KIF21B: variants seen among roughly 807,000 people sequenced by gnomAD.
KIF21B encodes kinesin family member 21B.
A neutral mutation model predicts 192.9 loss-of-function variants in KIF21B; 85 were observed. The observed-to-expected ratio is 0.44, with a 90% confidence interval of 0.37 to 0.53. The LOEUF is 0.53. KIF21B is among the 20% of genes least tolerant of loss of function. KIF21B has a pLI of 0.00. For synonymous variants in KIF21B, 832 were observed against 884.6 expected, an observed-to-expected ratio of 0.94 and a Z score of 1.05; for missense variants, 1,716 against 2,194.8, an observed-to-expected ratio of 0.78 and a Z score of 4.36.
Position 200,975,651 on chromosome 1 carries a change from A to C in KIF21B, c.4462T>G (p.Cys1488Gly), listed in dbSNP as rs139422310. The C allele has an allele frequency of 1.2e-6, 2 of 1,610,464 alleles. No homozygotes were observed. Among genetic ancestry groups the C allele is most frequent in the African/African-American group, 2.7e-5 (2 of 74,718 alleles). The change falls in exon 33 of 35, where the codon TGT becomes GGT. Residue 1488 changes from cysteine (C) to glycine (G), a missense_variant. Coordinates refer to ENST00000461742, the MANE Select transcript of KIF21B (RefSeq NM_001252102.2). This position sits in a 1 kb window ranked among gnomAD's most constrained non-coding sequence, Gnocchi z 4.3. Reference protein sequence around the residue: ...HYVKMFELGECVTGTIGPTHN... With the variant: ...HYVKMFELGEGVTGTIGPTHN... ...GTGGGGCCGATGGTGCCCGTCACAC[A>C]CTCGCCCAGCTCGAACATCTGTGGG...
chr1:200,986,876 T>C lies in KIF21B; in HGVS notation c.3657A>G (p.Arg1219=). The C allele has an allele frequency of 1.2e-6, 2 of 1,613,756 alleles. No homozygotes were observed. Among genetic ancestry groups the C allele is most frequent in the Non-Finnish European group, 1.7e-6 (2 of 1,179,840 alleles). Residue 1219 remains arginine, a synonymous_variant, in exon 26 of 35, where the codon AGA becomes AGG. Transcript: ENST00000461742. ...SRATETSPLT[R]RKSYDRGQPI... is the part of the protein sequence containing the mutation. ...GCTGCCCTCGGTCGTAGGACTTCCTTCTCGTCAGCGGGGACGTCTCTGTGG... is the reference window on the plus strand; with the variant it reads ...GCTGCCCTCGGTCGTAGGACTTCCTCCTCGTCAGCGGGGACGTCTCTGTGG...
chr1:201,001,125 A>C (rs1409259718), intron 9 of KIF21B, among the ~76,000 whole-genome samples: 3 of 151,980 alleles, frequency 2.0e-5, no homozygotes, highest in African/African-American at 7.3e-5. Flanking sequence ...AAAAAAAAAA[A>C]AAGATAAATA....
intron 15 of KIF21B, among the ~76,000 whole-genome samples, chr1:200,992,791 G>A (rs1335728440): frequency 1.3e-5 from 2 of 152,248 alleles, no homozygotes; most frequent in African/African-American, 4.8e-5. Flanking sequence ...GCTGCAGACA[G>A]GGCTGAGGTG....
intron 1 of KIF21B, 57 bp from the exon 2 acceptor site, chr1:201,009,545 G>C: frequency 4.0e-6 from 6 of 1,493,532 alleles, no homozygotes; most frequent in Non-Finnish European, 4.6e-6. Context: ...GCTGCCACAG[G>C]CCCCTCCCTC....
At chr1:201,021,259 C>T (rs1254189332) in intron 1 of KIF21B, among the ~76,000 whole-genome samples, 8 of 152,238 alleles carry the variant, frequency 5.3e-5, no homozygotes, top group Non-Finnish European at 1.2e-4. Flanking sequence ...TGGGTTCTGT[C>T]CAGGCATTGT....
At chr1:201,011,119 C>T (rs750536317) in intron 1 of KIF21B, among the ~76,000 whole-genome samples, 38 of 152,256 alleles carry the variant, frequency 2.5e-4, no homozygotes, top group Admixed American at 3.9e-4. Flanking sequence ...GCTTCTTCGT[C>T]TCCCAACTGA....
At chr1:201,005,169 A>T (rs1041278572) in intron 5 of KIF21B, 139 bp downstream of exon 5, 12 of 1,287,346 alleles carry the variant, frequency 9.3e-6, no homozygotes, top group Non-Finnish European at 1.3e-5. Flanking sequence ...ACAAGGCTCA[A>T]GAAAAATATA....
chr1:200,979,322 A>G (rs1252186641), intron 30 of KIF21B, among the ~76,000 whole-genome samples: 1 of 152,178 alleles, frequency 6.6e-6, no homozygotes. Context: ...CAGGCCAAAA[A>G]TTCCTCTAGT....
Position 201,003,771 on chromosome 1 carries a change from T to G in KIF21B, c.1027A>C (p.Met343Leu). Reference sequence around the variant, plus strand: ...TCTGAGGGGCTCACACAGGCGATCATGATGGTCTGGCTGGGGGTGCAGAAA... The same window carrying G: ...TCTGAGGGGCTCACACAGGCGATCAGGATGGTCTGGCTGGGGGTGCAGAAA... ...DSLGGNSQTI[M>L]IACVSPSDRD... Residue 343 changes from methionine (M) to leucine (L), a missense_variant, in exon 8 of 35, where the codon ATG (methionine) becomes CTG (leucine). Coordinates refer to ENST00000461742, the MANE Select transcript of KIF21B (RefSeq NM_001252102.2). 6.2e-7 allele frequency: 1 copy of G among 1,614,158 alleles called. No individual in the cohort carries two copies. The highest frequency in any genetic ancestry group is 8.5e-7 in the Non-Finnish European group (1 of 1,180,014).
chr1:201,000,700 G>A lies in KIF21B; in HGVS notation c.1466+17C>T, dbSNP rs373136135. Reference sequence around the variant, plus strand: ...GGCCCCCAGCCCGCGCACACCTGCCGGAGCTCACTCACTCACCGTAGCTCC... The same window carrying A: ...GGCCCCCAGCCCGCGCACACCTGCCAGAGCTCACTCACTCACCGTAGCTCC... On this transcript the variant is annotated intron_variant, in intron 10 of 34. Coordinates refer to ENST00000461742, the MANE Select transcript of KIF21B (RefSeq NM_001252102.2). This position sits in a 1 kb window ranked among gnomAD's most constrained non-coding sequence, Gnocchi z 6.0. The A allele has an allele frequency of 4.3e-6, 7 of 1,614,096 alleles. No homozygotes were observed. Among genetic ancestry groups the A allele is most frequent in the Admixed American group, 1.7e-5 (1 of 60,024 alleles).
At position 200,972,749 on chromosome 1, in the gene KIF21B, G is replaced by A. The variant is rs1177675422; in HGVS notation, c.*772C>T. ...GCAAACAGAGGAGGCGGCCCTGGAG[G>A]GCCGGGGCAGCGGACTCCCTTTGGG... On this transcript the variant is annotated 3_prime_UTR_variant, in exon 35 of 35. Transcript: ENST00000461742. The A allele has an allele frequency of 6.6e-6, 1 of 152,654 alleles. No individual in the cohort carries two copies. Among genetic ancestry groups the A allele is most frequent in the Non-Finnish European group, 1.5e-5 (1 of 68,060 alleles). The allele number at this position is 152,654 out of a possible 1,614,324, so 9.5% of individuals were successfully genotyped here.
chr1:201,007,769 CACAT>C (rs1202987667), intron 3 of KIF21B, among the ~76,000 whole-genome samples: 2 of 151,556 alleles, frequency 1.3e-5, no homozygotes, highest in South Asian at 2.1e-4. Context: ...CACAGATGCA[CACAT>C]ACAAAGATGC....
rs532275304 is a variant in KIF21B, at chr1:200,979,045, G to A, written c.4160+490C>T. ...CTGTAGCTTACAGTGTTAATGTAAG[G>A]ATGTAGCATGACTTCTGCTAAAAAA... On this transcript the variant is annotated intron_variant, in intron 30 of 34. Transcript: ENST00000461742. 3.9e-5 allele frequency among the ~76,000 whole-genome samples: 6 copies of A among 152,230 alleles called. No homozygotes were observed. In the South Asian group the frequency reaches 1.2e-3, roughly 32 times the overall value.
chr1:201,005,599 G>A lies in KIF21B; in HGVS notation c.543C>T (p.Asn181=), dbSNP rs558278910. The change falls in exon 4 of 35, where the codon AAC becomes AAT. Residue 181 remains asparagine, a synonymous_variant. Coordinates refer to ENST00000461742, the MANE Select transcript of KIF21B (RefSeq NM_001252102.2). ...TGACGCCAGTGGTGTAGATGCCACC[G>A]TTTGCGTCCTCGTGGATCTTGATGT... ...RSNIKIHEDA[N]GGIYTTGVTS... 74 of 1,614,218 alleles carry A rather than the reference G, an allele frequency of 4.6e-5. No individual in the cohort carries two copies. The highest frequency in any genetic ancestry group is 1.8e-4 in the South Asian group (16 of 91,080).
chr1:200,986,999 G>A lies in KIF21B; in HGVS notation c.3611C>T (p.Thr1204Ile). 6.2e-7 allele frequency: 1 copy of A among 1,614,016 alleles called. No homozygotes were observed. Among genetic ancestry groups the A allele is most frequent in the South Asian group, 1.1e-5 (1 of 91,074 alleles). ...ACATTCCTGCTCCCATCCTTACAAA[G>A]TGCTGCCCCGGGTAGGCAGACTGAC... ...RTVSLPTRGS[T>I]FPRQSRATET... is the part of the protein sequence containing the mutation. The change falls in exon 25 of 35, where the codon ACT (threonine) becomes ATT (isoleucine). Residue 1204 changes from threonine to isoleucine, a missense_variant. Coordinates refer to ENST00000461742, the MANE Select transcript of KIF21B (RefSeq NM_001252102.2).
At chr1:201,011,558 GGA>G (rs1658238373) in intron 1 of KIF21B, among the ~76,000 whole-genome samples, 1 of 152,226 alleles carries the variant, frequency 6.6e-6, no homozygotes, top group Admixed American at 6.5e-5. Context: ...ATATATGCAG[GGA>G]GAGAGAGCAA....
rs762208896 is a variant in KIF21B, at chr1:200,999,987, C to T, written c.1686-23G>A. 3.1e-6 allele frequency: 5 copies of T among 1,610,918 alleles called. No individual in the cohort carries two copies. The highest frequency in any genetic ancestry group is 2.2e-5 in the South Asian group (2 of 91,022). ...GGGCTGCTCAGGGAGGACAGGGAAG[C>T]TGGATTAGGAAGGCTGCCCCTGCCC... On this transcript the variant is annotated intron_variant, in intron 11 of 34. Coordinates refer to ENST00000461742, the MANE Select transcript of KIF21B (RefSeq NM_001252102.2). This position sits in a 1 kb window ranked among gnomAD's most constrained non-coding sequence, Gnocchi z 4.7.
Position 200,990,159 on chromosome 1 carries a change from G to C in KIF21B, c.3009C>G (p.Ile1003Met). 1 of 1,613,888 alleles carries C rather than the reference G, an allele frequency of 6.2e-7. No homozygotes were observed. Among genetic ancestry groups the C allele is most frequent in the Non-Finnish European group, 8.5e-7 (1 of 1,179,838 alleles). ...NDGITDCQATIVQLEETKEEL... is the reference protein window; with the variant it reads ...NDGITDCQATMVQLEETKEEL... The stretch of plus-strand genomic sequence containing the variant: ...ATACCTTGGTCTCCTCCAGCTGCAC[G>C]ATGGTGGCCTGGCAGTCGGTGATGC... The change falls in exon 20 of 35, where the codon ATC becomes ATG. Residue 1003 changes from isoleucine to methionine, a missense_variant. Physicochemically the swap from Ile to Met is conservative, Grantham distance 10. Around this residue, in one of 3 missense-constraint regions of KIF21B, gnomAD observed 49 missense variants for 102.6 expected, o/e 0.48. Coordinates refer to ENST00000461742, the MANE Select transcript of KIF21B (RefSeq NM_001252102.2). This position sits in a 1 kb window ranked among gnomAD's most constrained non-coding sequence, Gnocchi z 5.4.
intron 15 of KIF21B, among the ~76,000 whole-genome samples, chr1:200,994,968 C>CT (rs950753298): frequency 6.0e-4 from 91 of 152,364 alleles, no homozygotes; most frequent in Middle Eastern, 6.8e-3. Flanking sequence ...AACAGGGCTC[C>CT]TTGGGGCCAG....
Sources: gnomAD v4.1 joint callset for allele counts (sites outside exome capture counted in the v4.1 genomes callset) on GRCh38, gnomAD v4.1.1 for gene constraint, gnomAD v4.1.1 regional missense constraint, Gnocchi (gnomAD v3.1) non-coding constraint, MANE v1.5 for transcripts, NCBI Gene and HGNC (gene_info 2026-07-23, HGNC 2026-07-21) for gene names.